Variants in CSMD1 observed in about 807,000 individuals in gnomAD.
CSMD1 encodes CUB and Sushi multiple domains 1.
CSMD1 carries 213 observed loss-of-function variants against 417.5 expected under a neutral mutation model. The ratio of observed to expected loss-of-function variants is 0.51; its 90% CI spans 0.46 to 0.57. The LOEUF is 0.57. Among genes scored for constraint, CSMD1 ranks in the 20% least tolerant of loss-of-function variants. The pLI, the probability that CSMD1 is intolerant of heterozygous loss-of-function variation, is 0.00. For synonymous variants in CSMD1, 2,862 were observed against 1,736.8 expected, an observed-to-expected ratio of 1.65 and a Z score of -16.11; for missense variants, 6,923 against 4,529.7, an observed-to-expected ratio of 1.53 and a Z score of -15.17.
intron 5 of CSMD1, among the ~76,000 whole-genome samples, chr8:3,847,990 T>C (rs1315518133): frequency 6.6e-6 from 1 of 152,164 alleles, no homozygotes; most frequent in Non-Finnish European, 1.5e-5. Flanking sequence ...TCATCTCTAT[T>C]CTGTGTATCT....
At chr8:4,806,495 T>C (rs753742052) in intron 1 of CSMD1, among the ~76,000 whole-genome samples, 2 of 152,220 alleles carry the variant, frequency 1.3e-5, no homozygotes, top group African/African-American at 4.8e-5. Flanking sequence ...TTAGTTTACA[T>C]TGCATTCACT....
At chr8:3,835,043 G>T (rs764279302) in intron 5 of CSMD1, among the ~76,000 whole-genome samples, 2 of 151,892 alleles carry the variant, frequency 1.3e-5, no homozygotes, top group Non-Finnish European at 2.9e-5. Context: ...AGTTAGAATG[G>T]CGATCATTAA....
intron 5 of CSMD1, among the ~76,000 whole-genome samples, chr8:3,942,593 T>A (rs567942470): frequency 6.6e-6 from 1 of 152,298 alleles, no homozygotes; most frequent in East Asian, 1.9e-4. Context: ...ATGTAGTTTT[T>A]CCTCTAAAGG....
intron 5 of CSMD1, among the ~76,000 whole-genome samples, chr8:3,818,338 G>T (rs981118340): frequency 1.3e-5 from 2 of 152,174 alleles, no homozygotes; most frequent in African/African-American, 4.8e-5. Context: ...ACTCCCTCAT[G>T]TGAGAGAGCT....
chr8:4,452,182 C>G (rs1431178796), intron 2 of CSMD1, among the ~76,000 whole-genome samples: 1 of 152,078 alleles, frequency 6.6e-6, no homozygotes, highest in Admixed American at 6.6e-5. Context: ...CTTCTCTTCG[C>G]TTAGTGCACG....
chr8:4,783,399 T>C (rs1163514384), intron 1 of CSMD1, among the ~76,000 whole-genome samples: 1 of 152,206 alleles, frequency 6.6e-6, no homozygotes, highest in Admixed American at 6.5e-5. Context: ...CAGCTGAAAC[T>C]ACATTCTGAC....
intron 3 of CSMD1, among the ~76,000 whole-genome samples, chr8:4,153,954 G>C (rs1289415543): frequency 1.3e-5 from 2 of 152,190 alleles, no homozygotes; most frequent in Non-Finnish European, 2.9e-5. Flanking sequence ...AGTGTTTTCT[G>C]CATTACTGAC....
intron 5 of CSMD1, among the ~76,000 whole-genome samples, chr8:3,946,024 C>G (rs1353600027): frequency 6.6e-6 from 1 of 152,096 alleles, no homozygotes; most frequent in Admixed American, 6.6e-5. Context: ...TCATAACATT[C>G]TACGATGTAG....
At chr8:3,454,479 C>T (rs1304847089) in intron 12 of CSMD1, among the ~76,000 whole-genome samples, 1 of 152,102 alleles carries the variant, frequency 6.6e-6, no homozygotes, top group Non-Finnish European at 1.5e-5. Context: ...TTTTGTGCTT[C>T]CTTCAGGAGC....
At chr8:3,495,603 C>G (rs1453800840) in intron 10 of CSMD1, among the ~76,000 whole-genome samples, 2 of 152,182 alleles carry the variant, frequency 1.3e-5, no homozygotes, top group Non-Finnish European at 1.5e-5. Context: ...GAAAATGCAG[C>G]CTTGGTCTTG....
chr8:3,746,821 C>G (rs1288377532), intron 6 of CSMD1, among the ~76,000 whole-genome samples: 2 of 151,962 alleles, frequency 1.3e-5, no homozygotes, highest in Non-Finnish European at 2.9e-5. Context: ...ATAATCATGC[C>G]TGTTTTATCT....
chr8:3,895,780 G>T (rs187247793), intron 5 of CSMD1, among the ~76,000 whole-genome samples: 27 of 151,958 alleles, frequency 1.8e-4, no homozygotes, highest in African/African-American at 6.3e-4. Context: ...ATTTCCTACG[G>T]TCATAACTCT....
chr8:4,344,740 G>A (rs772750542), intron 3 of CSMD1, among the ~76,000 whole-genome samples: 2 of 152,128 alleles, frequency 1.3e-5, no homozygotes, highest in African/African-American at 4.8e-5. Context: ...GAATATAAAA[G>A]TTGCCATTCA....
intron 2 of CSMD1, among the ~76,000 whole-genome samples, chr8:4,551,793 C>G (rs1004678607): frequency 1.3e-5 from 2 of 152,118 alleles, no homozygotes; most frequent in African/African-American, 4.8e-5. Flanking sequence ...ATCCTCCCAC[C>G]TCAGCCTCCC....
chr8:4,197,432 T>G (rs565583489), intron 3 of CSMD1, among the ~76,000 whole-genome samples: 1 of 152,316 alleles, frequency 6.6e-6, no homozygotes, highest in East Asian at 1.9e-4. Context: ...TAAAGCAGAT[T>G]TCCTTCTGTA....
chr8:4,873,509 T>C (rs1235873564), intron 1 of CSMD1, among the ~76,000 whole-genome samples: 1 of 152,144 alleles, frequency 6.6e-6, no homozygotes, highest in Non-Finnish European at 1.5e-5. Context: ...GAACTGGAAA[T>C]GCTTCAACTT....
Position 3,626,067 on chromosome 8 carries a change from G to C in CSMD1, c.1010-9270C>G, listed in dbSNP as rs1483088784. 4.6e-5 allele frequency among the ~76,000 whole-genome samples: 7 copies of C among 152,252 alleles called. No individual in the cohort carries two copies. In the South Asian group the frequency reaches 1.4e-3, roughly 32 times the overall value. ...ATTAATGGCACTGAACATTTTATAA[G>C]AGCCTGGAGAATCGTCCTCATCACC... is the stretch of plus-strand genomic sequence containing the variant. On this transcript the variant is annotated intron_variant, in intron 7 of 69. Coordinates refer to ENST00000635120, the MANE Select transcript of CSMD1 (RefSeq NM_033225.6).
At chr8:3,869,800 T>G (rs1022219093) in intron 5 of CSMD1, among the ~76,000 whole-genome samples, 2 of 152,100 alleles carry the variant, frequency 1.3e-5, no homozygotes, top group African/African-American at 4.8e-5. Flanking sequence ...AGATGGGAGC[T>G]TGCCAGATTT....
At chr8:3,402,005 G>T (rs1812067450) in intron 15 of CSMD1, among the ~76,000 whole-genome samples, 1 of 151,138 alleles carries the variant, frequency 6.6e-6, no homozygotes, top group Non-Finnish European at 1.5e-5. Flanking sequence ...CCCTGATACT[G>T]TATTTCTAAA....
Sources: gnomAD v4.1 joint callset for allele counts (sites outside exome capture counted in the v4.1 genomes callset) on GRCh38, gnomAD v4.1.1 for gene constraint, MANE v1.5 for transcripts, NCBI Gene and HGNC (gene_info 2026-07-23, HGNC 2026-07-21) for gene names.